Variants in ANKRD42 observed in about 807,000 individuals in gnomAD.
ANKRD42 encodes the protein ankyrin repeat domain-containing protein 42.
ANKRD42 carries 43 observed loss-of-function variants against 51.5 expected under a neutral mutation model. That is an observed-to-expected ratio of 0.83 (90% CI 0.65 to 1.08). The LOEUF (loss-of-function observed/expected upper bound fraction) is 1.08, where lower values mean the gene tolerates loss of function less well. ANKRD42 is among the 50% of genes least tolerant of loss of function. The pLI is 0.00. For synonymous variants in ANKRD42, 203 were observed against 213.0 expected (o/e 0.95, Z 0.41); for missense variants, 608 against 629.3 (o/e 0.97, Z 0.36).
chr11:83,206,213 C>A, intron 3 of ANKRD42, 48 bp downstream of exon 3: 1 of 1,403,758 alleles, frequency 7.1e-7, no homozygotes, highest in South Asian at 1.2e-5. Flanking sequence ...TAACATAGTT[C>A]TGTTGGGATA....
downstream of ANKRD42, chr11:83,261,209 G>A (rs1233375558): frequency 6.6e-6 from 1 of 152,154 alleles, no homozygotes; most frequent in East Asian, 1.9e-4. Flanking sequence ...TGGAATTACA[G>A]GCATGTGCCA....
Position 83,198,655 on chromosome 11 carries a change from A to G in ANKRD42, c.222+13A>G. The G allele has an allele frequency of 1.3e-6, 2 of 1,561,070 alleles. No homozygotes were observed. The highest frequency in any genetic ancestry group is 1.7e-6 in the Non-Finnish European group (2 of 1,152,058). ...TGGAAGTTTGGAGGTAAGAAACTATACATATCACTAAACTGAGGTAAGTTT... is the reference window on the plus strand; with the variant it reads ...TGGAAGTTTGGAGGTAAGAAACTATGCATATCACTAAACTGAGGTAAGTTT... On this transcript the variant is annotated intron_variant, in intron 2 of 10. Coordinates refer to ENST00000533342, the MANE Select transcript of ANKRD42 (RefSeq NM_001300975.2).
chr11:83,201,280 A>G (rs1861862541), intron 2 of ANKRD42, among the ~76,000 whole-genome samples: 1 of 152,064 alleles, frequency 6.6e-6, no homozygotes, highest in South Asian at 2.1e-4. Flanking sequence ...TTAGTTTGCT[A>G]AGAATGGTGG....
At chr11:83,242,693 G>A (rs1863430838) in intron 9 of ANKRD42, among the ~76,000 whole-genome samples, 1 of 151,544 alleles carries the variant, frequency 6.6e-6, no homozygotes, top group Non-Finnish European at 1.5e-5. Context: ...AGCCTCCCGA[G>A]TAGTGGTGAC....
chr11:83,194,374 A>C lies in ANKRD42; in HGVS notation c.-297A>C. On this transcript the variant is annotated 5_prime_UTR_variant, in exon 1 of 11. Transcript: ENST00000533342. ...TGTCGAAGGCGGCCACAGCGTTGGT[A>C]GTTCTTGGGAGGAAGTAAGTGGAGA... The C allele has an allele frequency of 1.6e-6, 1 of 621,850 alleles. No individual in the cohort carries two copies. Among genetic ancestry groups the C allele is most frequent in the Non-Finnish European group, 3.0e-6 (1 of 334,052 alleles). The allele number at this position is 621,850 out of a possible 1,614,324, so 38.5% of individuals were successfully genotyped here.
At chr11:83,255,062 G>A (rs1489442304) in intron 11 of ANKRD42, among the ~76,000 whole-genome samples, 2 of 152,312 alleles carry the variant, frequency 1.3e-5, no homozygotes, top group Non-Finnish European at 1.5e-5. Context: ...ATTAGAAAAG[G>A]TGTGGGCAGG....
At chr11:83,244,321 C>T (rs1256298735) in intron 9 of ANKRD42, among the ~76,000 whole-genome samples, 2 of 152,122 alleles carry the variant, frequency 1.3e-5, no homozygotes, top group Non-Finnish European at 2.9e-5. Flanking sequence ...ACTTATAGGT[C>T]TGGAATGGGG....
chr11:83,229,754 T>C (rs530044681), intron 7 of ANKRD42, among the ~76,000 whole-genome samples: 4 of 152,294 alleles, frequency 2.6e-5, no homozygotes, highest in African/African-American at 7.2e-5. Context: ...CAAGGACTCC[T>C]AGGGCTAGGA....
downstream of ANKRD42, chr11:83,262,019 G>A (rs113127156): frequency 4.0e-5 from 49 of 1,230,412 alleles, 1 homozygote; most frequent in African/African-American, 4.9e-4. Flanking sequence ...TTATTTTGCA[G>A]AGATAAAGAG....
intron 9 of ANKRD42, among the ~76,000 whole-genome samples, chr11:83,241,703 T>C (rs1863392995): frequency 6.6e-6 from 1 of 152,186 alleles, no homozygotes; most frequent in South Asian, 2.1e-4. Context: ...TATTTGTTCA[T>C]TTTTCCCCTT....
intron 5 of ANKRD42, among the ~76,000 whole-genome samples, chr11:83,222,938 A>T (rs149286549): frequency 2.6e-5 from 4 of 152,186 alleles, no homozygotes; most frequent in Non-Finnish European, 5.9e-5. Context: ...GAGTGACATG[A>T]TCTGACCCAT....
At chr11:83,233,004 T>G (rs927609192) in intron 7 of ANKRD42, among the ~76,000 whole-genome samples, 2 of 152,198 alleles carry the variant, frequency 1.3e-5, no homozygotes, top group Admixed American at 6.5e-5. Context: ...TGATGATTTT[T>G]GCATGAATAT....
chr11:83,240,796 C>T lies in ANKRD42; in HGVS notation c.1057C>T (p.Leu353=). The T allele has an allele frequency of 6.2e-7, 1 of 1,613,934 alleles. No homozygotes were observed. The highest frequency in any genetic ancestry group is 8.5e-7 in the Non-Finnish European group (1 of 1,179,960). ...HLAAVKLLEE[L]QKYDIDDENE... ...GGCAGCAGTGAAGCTGTTAGAGGAGCTACAGAAATATGATATAGATGACGA... is the reference window on the plus strand; with the variant it reads ...GGCAGCAGTGAAGCTGTTAGAGGAGTTACAGAAATATGATATAGATGACGA... Residue 353 remains leucine (L), a synonymous_variant, in exon 9 of 11, where the codon CTA becomes TTA. Transcript: ENST00000533342.
chr11:83,240,338 ATAGT>A (rs1461990159), intron 8 of ANKRD42, among the ~76,000 whole-genome samples: 11 of 152,252 alleles, frequency 7.2e-5, no homozygotes, highest in Non-Finnish European at 1.2e-4. Context: ...AGCTATATTA[ATAGT>A]TAGCCCTAAA....
chr11:83,201,139 C>T lies in ANKRD42; in HGVS notation c.222+2497C>T, dbSNP rs544025685. ...GCATTAGGTATTTGTCCTAATGCTC[C>T]GCCTCCCCTAACCCTCCACCCCCCG... On this transcript the variant is annotated intron_variant, in intron 2 of 10. Coordinates refer to ENST00000533342, the MANE Select transcript of ANKRD42 (RefSeq NM_001300975.2). Among the ~76,000 whole-genome samples, 38 of 152,128 alleles carry T rather than the reference C, an allele frequency of 2.5e-4. 1 individual carries two copies. The South Asian group carries it at 2.7e-3, about 11-fold the overall frequency.
At chr11:83,198,353 A>G in intron 1 of ANKRD42, 126 bp from the exon 2 acceptor site, 1 of 948,988 alleles carries the variant, frequency 1.1e-6, no homozygotes, top group Non-Finnish European at 1.5e-6. Flanking sequence ...TTAATGACAA[A>G]CATCTTTGTA....
chr11:83,247,417 T>G (rs1863576775), intron 10 of ANKRD42, among the ~76,000 whole-genome samples: 1 of 152,140 alleles, frequency 6.6e-6, no homozygotes. Flanking sequence ...CTGTTTTTCT[T>G]GTACTTCATC....
chr11:83,248,058 A>G lies in ANKRD42; in HGVS notation c.1438A>G (p.Lys480Glu). 1 of 1,596,276 alleles carries G rather than the reference A, an allele frequency of 6.3e-7. No homozygotes were observed. The highest frequency in any genetic ancestry group is 8.5e-7 in the Non-Finnish European group (1 of 1,170,718). ...TGATCAACTCAGGGAAACACTGGAA[A>G]AAATTCAAGTCCCAAACTTTGTGGC... ...EVDQLRETLE[K>E]IQVPNFVAMV... is the part of the protein sequence containing the mutation. The change falls in exon 11 of 11, where the codon AAA becomes GAA. Residue 480 changes from lysine to glutamate, a missense_variant. Transcript: ENST00000533342.
At chr11:83,204,030 C>T (rs1487685602) in intron 2 of ANKRD42, among the ~76,000 whole-genome samples, 1 of 152,076 alleles carries the variant, frequency 6.6e-6, no homozygotes, top group African/African-American at 2.4e-5. Context: ...GCAACCTCTG[C>T]CTCCTGGGTT....
Sources: allele counts gnomAD v4.1 joint callset (sites outside exome capture counted in the v4.1 genomes callset), GRCh38; gene constraint gnomAD v4.1.1; transcripts MANE v1.5; gene names NCBI Gene and HGNC (gene_info 2026-07-23, HGNC 2026-07-21).